The following CYP3A5 variants were observed in gnomAD, a reference collection of about 807,000 sequenced individuals.
The protein encoded by CYP3A5 is cytochrome P450 3A5.
A neutral mutation model predicts 55.9 loss-of-function variants in CYP3A5; 51 were observed. The ratio of observed to expected loss-of-function variants is 0.91; its 90% CI spans 0.73 to 1.15. The LOEUF is 1.15. Among genes scored for constraint, CYP3A5 ranks in the 50% most tolerant of loss-of-function variants. The pLI, the probability that CYP3A5 is intolerant of heterozygous loss-of-function variation, is 0.00. For synonymous variants in CYP3A5, 196 were observed against 213.9 expected (o/e 0.92, Z 0.73); for missense variants, 533 against 596.6 (o/e 0.89, Z 1.11).
chr7:99,671,615 G>T, intron 4 of CYP3A5: 1 of 486,264 alleles, frequency 2.1e-6, no homozygotes, highest in Non-Finnish European at 3.6e-6. Context: ...GTTACATTTT[G>T]TAAAGTGTTA....
chr7:99,674,561 A>T lies in CYP3A5; in HGVS notation c.190T>A (p.Cys64Ser), dbSNP rs1351082663. 1.2e-6 allele frequency: 2 copies of T among 1,613,464 alleles called. No homozygotes were observed. The highest frequency in any genetic ancestry group is 2.7e-5 in the African/African-American group (2 of 74,818). ...RQGLWKFDTECYKKYGKMWGT... is the reference protein window; with the variant it reads ...RQGLWKFDTESYKKYGKMWGT... ...CACATTTTTCCATACTTTTTATAGCACTCTGTGTCAAATTTCCAGAGACCC... is the reference window on the plus strand; with the variant it reads ...CACATTTTTCCATACTTTTTATAGCTCTCTGTGTCAAATTTCCAGAGACCC... Residue 64 changes from cysteine to serine, a missense_variant, in exon 3 of 13, where the codon TGC (cysteine) becomes AGC (serine). Coordinates refer to ENST00000222982, the MANE Select transcript of CYP3A5 (RefSeq NM_000777.5).
intron 10 of CYP3A5, among the ~76,000 whole-genome samples, chr7:99,657,016 C>T (rs1479395745): frequency 5.9e-5 from 9 of 152,066 alleles, no homozygotes; most frequent in African/African-American, 1.9e-4. Context: ...TTTTGTTGAT[C>T]TTTTCAAAAA....
chr7:99,661,609 A>G (rs530100650), intron 9 of CYP3A5, among the ~76,000 whole-genome samples: 1 of 152,370 alleles, frequency 6.6e-6, no homozygotes, highest in Non-Finnish European at 1.5e-5. Context: ...GGACCTTTAG[A>G]GACCTGGAGC....
intron 10 of CYP3A5, chr7:99,660,214 CTTTTTTTTTTT>C (rs34318418): frequency 5.0e-4 from 214 of 429,908 alleles, no homozygotes; most frequent in Middle Eastern, 1.2e-3. Context: ...CGCCACACTC[CTTTTTTTTTTT>C]TTTTTTTTTT....
rs1298820273 is a variant in CYP3A5, at chr7:99,653,858, C to T, written c.1027-1079G>A. ...TATTGTAGAGGGTTAGAGTTTAGCTCAGGAGTCAGATACCCTGGTTCCTAG... is the reference window on the plus strand; with the variant it reads ...TATTGTAGAGGGTTAGAGTTTAGCTTAGGAGTCAGATACCCTGGTTCCTAG... On this transcript the variant is annotated intron_variant, in intron 10 of 12. Transcript: ENST00000222982. This position sits in a 1 kb window ranked among gnomAD's most constrained non-coding sequence, Gnocchi z 4.2. Among the ~76,000 whole-genome samples, 1 of 152,178 alleles carries T rather than the reference C, an allele frequency of 6.6e-6. No individual in the cohort carries two copies. Among genetic ancestry groups the T allele is most frequent in the Admixed American group, 6.5e-5 (1 of 15,278 alleles).
At chr7:99,673,455 T>G (rs1000977865) in intron 3 of CYP3A5, among the ~76,000 whole-genome samples, 3 of 152,240 alleles carry the variant, frequency 2.0e-5, no homozygotes, top group African/African-American at 7.2e-5. Context: ...TTAATAATAT[T>G]CAGCATCTCT....
intron 10 of CYP3A5, chr7:99,660,213 C>CTTTTTTTTTTTTT (rs1584431097): frequency 1.5e-6 from 1 of 653,720 alleles, no homozygotes; most frequent in Non-Finnish European, 1.8e-6. Flanking sequence ...TCGCCACACT[C>CTTTTTTTTTTTTT]CTTTTTTTTT....
chr7:99,664,305 C>T (rs961855094), intron 7 of CYP3A5, among the ~76,000 whole-genome samples: 2 of 152,210 alleles, frequency 1.3e-5, no homozygotes, highest in African/African-American at 4.8e-5. Context: ...GCAGTGAGAT[C>T]AATGGCACCT....
chr7:99,674,577 C>T lies in CYP3A5; in HGVS notation c.174G>A (p.Trp58Ter). The T allele has an allele frequency of 6.2e-7, 1 of 1,613,474 alleles. No individual in the cohort carries two copies. The highest frequency in any genetic ancestry group is 8.5e-7 in the Non-Finnish European group (1 of 1,179,562). Residue 58 changes from tryptophan (W) to a stop codon, truncating the protein, a stop_gained, in exon 3 of 13, where the codon TGG becomes TGA. Coordinates refer to ENST00000222982, the MANE Select transcript of CYP3A5 (RefSeq NM_000777.5). LOFTEE classifies it high-confidence loss of function. ...GNVLSYRQGL[W>*]KFDTECYKKY... Reference sequence around the variant, plus strand: ...TTTTATAGCACTCTGTGTCAAATTTCCAGAGACCCTGGGAGAGGAAACAAA... The same window carrying T: ...TTTTATAGCACTCTGTGTCAAATTTTCAGAGACCCTGGGAGAGGAAACAAA...
intron 7 of CYP3A5, 82 bp from the exon 8 acceptor site, chr7:99,664,177 TAATAAG>T (rs1810743519): frequency 2.7e-6 from 3 of 1,126,010 alleles, no homozygotes; most frequent in Non-Finnish European, 2.6e-6. Context: ...TCTCTACCAG[TAATAAG>T]AATAAGAACA....
chr7:99,666,068 T>C (rs1003092544), intron 6 of CYP3A5, among the ~76,000 whole-genome samples: 1 of 152,096 alleles, frequency 6.6e-6, no homozygotes, highest in Non-Finnish European at 1.5e-5. Context: ...CAGCAAATAA[T>C]AGGCTTGCTC....
At position 99,674,534 on chromosome 7, in the gene CYP3A5, C is replaced by A. The variant is rs781230602; in HGVS notation, c.217G>T (p.Gly73Ter). 8.1e-6 allele frequency: 13 copies of A among 1,613,384 alleles called. No individual in the cohort carries two copies. The highest frequency in any genetic ancestry group is 1.7e-6 in the Non-Finnish European group (2 of 1,179,564). Residue 73 changes from glycine (G) to a stop codon, truncating the protein, a stop_gained and splice_region_variant, in exon 3 of 13, where the codon GGA (glycine) becomes TGA (stop). Coordinates refer to ENST00000222982, the MANE Select transcript of CYP3A5 (RefSeq NM_000777.5). LOFTEE classifies it high-confidence loss of function. ...AATGGAGGTTTTCAGAATACTCACC[C>A]CCACATTTTTCCATACTTTTTATAG... ...ECYKKYGKMW[G>*]TYEGQLPVLA...
chr7:99,661,867 G>A (rs1477074376), intron 9 of CYP3A5, among the ~76,000 whole-genome samples: 3 of 152,118 alleles, frequency 2.0e-5, no homozygotes, highest in Non-Finnish European at 4.4e-5. Context: ...ATCCACATGT[G>A]GCTATTTAAA....
At chr7:99,665,446 T>A (rs1054199912) in intron 6 of CYP3A5, 132 bp from the exon 7 acceptor site, 1 of 1,289,592 alleles carries the variant, frequency 7.8e-7, no homozygotes, top group Non-Finnish European at 1.1e-6. Context: ...ATCTGCTGAA[T>A]CATCTTCCAT....
At chr7:99,655,433 T>C (rs1200129850) in intron 10 of CYP3A5, among the ~76,000 whole-genome samples, 4 of 152,338 alleles carry the variant, frequency 2.6e-5, no homozygotes, top group Admixed American at 6.5e-5. Context: ...GCTCCATTGA[T>C]CAATATCTCT....
At chr7:99,651,582 C>G (rs963203134) in intron 11 of CYP3A5, among the ~76,000 whole-genome samples, 1 of 152,182 alleles carries the variant, frequency 6.6e-6, no homozygotes, top group Non-Finnish European at 1.5e-5. Flanking sequence ...CATGCTAGCA[C>G]TAGGGACACC....
chr7:99,650,464 G>T (rs759477917), intron 11 of CYP3A5, among the ~76,000 whole-genome samples: 19 of 152,054 alleles, frequency 1.2e-4, no homozygotes, highest in Non-Finnish European at 2.1e-4. Flanking sequence ...GAGATGAGAT[G>T]AATATTGTTG....
At chr7:99,678,956 C>CAT (rs1812556408) in intron 1 of CYP3A5, among the ~76,000 whole-genome samples, 2 of 152,184 alleles carry the variant, frequency 1.3e-5, no homozygotes, top group African/African-American at 4.8e-5. Flanking sequence ...AGAGGGTTTG[C>CAT]CCTCCTGTAC....
chr7:99,672,474 T>C (rs1259898430), intron 4 of CYP3A5, 106 bp downstream of exon 4: 1 of 964,946 alleles, frequency 1.0e-6, no homozygotes, highest in African/African-American at 1.6e-5. Context: ...CATGGAACCT[T>C]CCTGTACATT....
Sources: allele counts gnomAD v4.1 joint callset (sites outside exome capture counted in the v4.1 genomes callset), GRCh38; gene constraint gnomAD v4.1.1; non-coding constraint Gnocchi (gnomAD v3.1); transcripts MANE v1.5; gene names NCBI Gene and HGNC (gene_info 2026-07-23, HGNC 2026-07-21).